Variants in NFIB observed in about 807,000 individuals in gnomAD.
NFIB encodes the protein nuclear factor 1 B-type.
A neutral mutation model predicts 61.5 loss-of-function variants in NFIB; 11 were observed. The observed-to-expected ratio is 0.18, with a 90% CI of 0.11 to 0.30. The LOEUF (loss-of-function observed/expected upper bound fraction) is 0.30, where lower values mean the gene tolerates loss of function less well. Ranked by LOEUF, NFIB falls within the 10% of genes least tolerant of loss-of-function variation. NFIB has a pLI of 1.00. For missense variants in NFIB, 471 were observed against 608.9 expected, an observed-to-expected ratio of 0.77 and a Z score of 2.38; for synonymous variants, 260 against 216.5, an observed-to-expected ratio of 1.20 and a Z score of -1.76.
intron 1 of NFIB, chr9:14,322,287 G>A (rs2060679642): frequency 5.6e-6 from 2 of 354,262 alleles, no homozygotes; most frequent in Non-Finnish European, 4.7e-6. Context: ...CTTGAACGCC[G>A]TCCAGGATGG....
chr9:14,451,323 T>A, the NFIB span, among the ~76,000 whole-genome samples: 1 of 152,254 alleles, frequency 6.6e-6, no homozygotes, highest in East Asian at 1.9e-4. Context: ...TATTTCACAG[T>A]ATTTCTTTCT....
At chr9:14,370,067 G>A (rs1200583149) in intron 1 of NFIB, among the ~76,000 whole-genome samples, 2 of 152,134 alleles carry the variant, frequency 1.3e-5, no homozygotes, top group South Asian at 2.1e-4. Context: ...TGAACCATTC[G>A]CCATCTCCAA....
chr9:14,100,282 G>A (rs949198850), intron 10 of NFIB, among the ~76,000 whole-genome samples: 4 of 152,128 alleles, frequency 2.6e-5, no homozygotes, highest in Admixed American at 6.5e-5. Flanking sequence ...TCACCAGGAA[G>A]GGGATTTGTG....
In NFIB at chr9:14,322,869, G is replaced by A. The variant is rs566987796; in HGVS notation, c.109-15349C>T. 9.9e-5 allele frequency among the ~76,000 whole-genome samples: 15 copies of A among 152,102 alleles called. No individual in the cohort carries two copies. The South Asian group carries it at 3.1e-3, about 32-fold the overall frequency. On this transcript the variant is annotated intron_variant, in intron 1 of 8. Transcript: ENST00000380934. ...AGCGGCGAGGGCGTGACCGTCTCGG[G>A]GGCTGCTGCCCAGGCTCCGCGCGCC...
chr9:14,360,177 A>G (rs951604591), intron 1 of NFIB, among the ~76,000 whole-genome samples: 1 of 152,222 alleles, frequency 6.6e-6, no homozygotes, highest in Non-Finnish European at 1.5e-5. Flanking sequence ...CCTGAATTCA[A>G]TCATGTTCAT....
At chr9:14,269,168 T>G (rs1002475801) in intron 2 of NFIB, among the ~76,000 whole-genome samples, 1 of 152,244 alleles carries the variant, frequency 6.6e-6, no homozygotes, top group African/African-American at 2.4e-5. Context: ...ACTGAACTTT[T>G]ACTTTTTAAT....
chr9:14,483,222 T>C, the NFIB span, among the ~76,000 whole-genome samples: 5 of 152,220 alleles, frequency 3.3e-5, no homozygotes, highest in South Asian at 4.1e-4. Context: ...ACTAAAATTA[T>C]TTAAAAATTT....
At chr9:14,268,032 G>C (rs1472984626) in intron 2 of NFIB, among the ~76,000 whole-genome samples, 1 of 151,546 alleles carries the variant, frequency 6.6e-6, no homozygotes, top group East Asian at 1.9e-4. Flanking sequence ...ATACTCAGGA[G>C]GCTGAGACAT....
At position 14,158,102 on chromosome 9, in the gene NFIB, C is replaced by T. The variant is rs976159964; in HGVS notation, c.617-2209G>A. 3.4e-5 allele frequency among the ~76,000 whole-genome samples: 5 copies of T among 146,344 alleles called. No individual in the cohort carries two copies. The Admixed American group carries it at 3.4e-4, about 10-fold the overall frequency. On this transcript the variant is annotated intron_variant, in intron 3 of 10. Transcript: ENST00000380953. ...TTCCAGTCTGGGCGACAGAACAAGA[C>T]TCCATCTCAAAAAAAAAAAAAAAAC...
chr9:14,461,443 A>G, the NFIB span, among the ~76,000 whole-genome samples: 1 of 152,206 alleles, frequency 6.6e-6, no homozygotes, highest in Non-Finnish European at 1.5e-5. Flanking sequence ...ACTCTCTGCC[A>G]AGCCTCATCT....
chr9:14,429,740 C>T, the NFIB span, among the ~76,000 whole-genome samples: 4 of 152,146 alleles, frequency 2.6e-5, no homozygotes, highest in Admixed American at 2.0e-4. Flanking sequence ...TTAGGAGCGC[C>T]GCCTCCCCAC....
At chr9:14,423,357 C>T in the NFIB span, among the ~76,000 whole-genome samples, 2 of 152,200 alleles carry the variant, frequency 1.3e-5, no homozygotes, top group Admixed American at 6.5e-5. Context: ...CGTGCTAAAG[C>T]TATACATGTA....
chr9:14,414,431 CAAA>C, the NFIB span, among the ~76,000 whole-genome samples: 3 of 56,640 alleles, frequency 5.3e-5, no homozygotes, highest in Admixed American at 3.5e-4. Context: ...GAGACTGTCT[CAAA>C]AAAAAAAAAA....
the NFIB span, among the ~76,000 whole-genome samples, chr9:14,484,567 T>C: frequency 1.8e-4 from 28 of 152,292 alleles, 1 homozygote; most frequent in East Asian, 5.2e-3. Flanking sequence ...TAAATAAATA[T>C]AGCAATACAA....
chr9:14,410,622 A>G, the NFIB span, among the ~76,000 whole-genome samples: 1 of 152,192 alleles, frequency 6.6e-6, no homozygotes, highest in South Asian at 2.1e-4. Context: ...ATTCAGAGAA[A>G]ACAAAGAGGT....
chr9:14,427,964 T>TTTTTTTTTTTTTTTTG, the NFIB span, among the ~76,000 whole-genome samples: 1 of 139,466 alleles, frequency 7.2e-6, no homozygotes. Context: ...TTTTTTTTTT[T>TTTTTTTTTTTTTTTTG]GGCAGGATCT....
At chr9:14,239,236 T>C (rs1478931626) in intron 2 of NFIB, among the ~76,000 whole-genome samples, 2 of 152,182 alleles carry the variant, frequency 1.3e-5, no homozygotes, top group African/African-American at 4.8e-5. Context: ...TTGAAAACTG[T>C]TTTCACACAA....
At chr9:14,442,574 G>C in the NFIB span, among the ~76,000 whole-genome samples, 1 of 152,092 alleles carries the variant, frequency 6.6e-6, no homozygotes, top group Non-Finnish European at 1.5e-5. Flanking sequence ...GGGAAAATCT[G>C]TCCCAGGCCT....
At chr9:14,237,288 T>C (rs975895327) in intron 2 of NFIB, among the ~76,000 whole-genome samples, 1 of 152,164 alleles carries the variant, frequency 6.6e-6, no homozygotes, top group African/African-American at 2.4e-5. Context: ...ATTTCTTTCA[T>C]CTATCTCATC....
Sources: gnomAD v4.1 joint callset for allele counts (sites outside exome capture counted in the v4.1 genomes callset) on GRCh38, gnomAD v4.1.1 for gene constraint, MANE v1.5 for transcripts, NCBI Gene and HGNC (gene_info 2026-07-23, HGNC 2026-07-21) for gene names.